Variants in AUTS2 observed in about 807,000 individuals in gnomAD.
AUTS2 encodes activator of transcription and developmental regulator AUTS2.
In AUTS2, 17 loss-of-function variants were observed where a neutral mutation model predicts 112.4. The ratio of observed to expected loss-of-function variants is 0.15; its 90% CI spans 0.10 to 0.23. AUTS2 has a LOEUF of 0.23. AUTS2 is among the 10% of genes least tolerant of loss of function. The pLI, the probability that AUTS2 is intolerant of heterozygous loss-of-function variation, is 1.00. For missense variants in AUTS2, 1,510 were observed against 1,701.6 expected, an observed-to-expected ratio of 0.89 and a Z score of 1.98; for synonymous variants, 751 against 702.7, an observed-to-expected ratio of 1.07 and a Z score of -1.09.
chr7:69,790,766 TTTA>T (rs1385911809), intron 1 of AUTS2, among the ~76,000 whole-genome samples: 1 of 152,246 alleles, frequency 6.6e-6, no homozygotes, highest in Non-Finnish European at 1.5e-5. Flanking sequence ...CAGATGATGC[TTTA>T]TTCTGTAAAG....
intron 4 of AUTS2, among the ~76,000 whole-genome samples, chr7:70,407,996 G>A (rs1281369108): frequency 2.0e-5 from 3 of 151,320 alleles, no homozygotes; most frequent in African/African-American, 7.3e-5. Context: ...AGAGCTTGCA[G>A]TGGGCCGAGA....
At chr7:70,609,388 T>C (rs1803950478) in intron 5 of AUTS2, among the ~76,000 whole-genome samples, 1 of 149,178 alleles carries the variant, frequency 6.7e-6, no homozygotes, top group Non-Finnish European at 1.5e-5. Context: ...GAGGACAGGA[T>C]TGTCTTTTTT....
chr7:69,924,935 A>T (rs906989439), intron 2 of AUTS2, among the ~76,000 whole-genome samples: 3 of 152,242 alleles, frequency 2.0e-5, no homozygotes, highest in African/African-American at 7.2e-5. Flanking sequence ...AAGGTTTTAA[A>T]TGAAATATTC....
Position 69,914,571 on chromosome 7 carries a change from G to T in AUTS2, c.522+15073G>T, listed in dbSNP as rs73703827. The stretch of plus-strand genomic sequence containing the variant: ...CTCCCATGGAATCTATCAGCAGTTT[G>T]TCTTCCCAGGGTTGTAGCCTGTCAG... On this transcript the variant is annotated intron_variant, in intron 2 of 18. Transcript: ENST00000342771. Among the ~76,000 whole-genome samples, 249 of 152,060 alleles carry T rather than the reference G, an allele frequency of 1.6e-3. 1 individual carries two copies. Among genetic ancestry groups the T allele is most frequent in the African/African-American group, 5.7e-3 (237 of 41,510 alleles).
chr7:69,850,216 T>C (rs1792404525), intron 1 of AUTS2, among the ~76,000 whole-genome samples: 1 of 151,228 alleles, frequency 6.6e-6, no homozygotes, highest in South Asian at 2.1e-4. Context: ...GGAGAATAGC[T>C]TGAACCCAGG....
chr7:70,324,127 G>A (rs886824362), intron 4 of AUTS2, among the ~76,000 whole-genome samples: 1 of 152,146 alleles, frequency 6.6e-6, no homozygotes, highest in Admixed American at 6.6e-5. Context: ...GCTAAGACCT[G>A]TCTGAAAGTG....
chr7:70,600,566 G>A (rs1166356677), intron 5 of AUTS2, among the ~76,000 whole-genome samples: 3 of 152,288 alleles, frequency 2.0e-5, no homozygotes, highest in Admixed American at 6.5e-5. Flanking sequence ...ACGGGCCACC[G>A]CGCCCGGCCC....
intron 5 of AUTS2, among the ~76,000 whole-genome samples, chr7:70,554,422 G>T (rs1412262071): frequency 7.1e-6 from 1 of 139,868 alleles, no homozygotes; most frequent in Admixed American, 7.3e-5. Context: ...TTGAAACGAG[G>T]TCATGCATGC....
At chr7:69,894,297 CCTT>C (rs1413301887) in intron 1 of AUTS2, among the ~76,000 whole-genome samples, 1 of 62,958 alleles carries the variant, frequency 1.6e-5, no homozygotes, top group African/African-American at 7.6e-5. Context: ...TCTTTCTTAT[CCTT>C]CTGCCCTCCT....
chr7:70,385,196 T>A (rs1793555336), intron 4 of AUTS2, among the ~76,000 whole-genome samples: 1 of 152,208 alleles, frequency 6.6e-6, no homozygotes, highest in Non-Finnish European at 1.5e-5. Flanking sequence ...TCCACTAAAC[T>A]GTTCTCCCTA....
chr7:70,166,727 CT>C (rs925129005), intron 4 of AUTS2, among the ~76,000 whole-genome samples: 1 of 151,996 alleles, frequency 6.6e-6, no homozygotes, highest in Non-Finnish European at 1.5e-5. Context: ...GAACAGATGA[CT>C]TTTTTTAAAG....
chr7:69,685,567 A>G (rs965069115), intron 1 of AUTS2, among the ~76,000 whole-genome samples: 1 of 152,246 alleles, frequency 6.6e-6, no homozygotes, highest in Non-Finnish European at 1.5e-5. Flanking sequence ...AATTGAAGTT[A>G]GTAGGGAAAC....
At chr7:69,946,325 T>G (rs1796807937) in intron 2 of AUTS2, among the ~76,000 whole-genome samples, 1 of 152,126 alleles carries the variant, frequency 6.6e-6, no homozygotes, top group Admixed American at 6.5e-5. Context: ...GAATATAAAT[T>G]GGGACAGCAT....
At chr7:70,513,307 T>G (rs1053557114) in intron 5 of AUTS2, among the ~76,000 whole-genome samples, 38 of 152,172 alleles carry the variant, frequency 2.5e-4, no homozygotes, top group African/African-American at 9.2e-4. Context: ...CTATTTCTGA[T>G]CAGACCCACA....
chr7:69,741,432 C>T (rs548333464), intron 1 of AUTS2, among the ~76,000 whole-genome samples: 5 of 152,254 alleles, frequency 3.3e-5, no homozygotes, highest in South Asian at 2.1e-4. Flanking sequence ...AGGACAGGTG[C>T]GGTGGCTCAC....
chr7:69,938,376 G>T (rs764841924), intron 2 of AUTS2, among the ~76,000 whole-genome samples: 3 of 152,168 alleles, frequency 2.0e-5, no homozygotes, highest in African/African-American at 7.2e-5. Context: ...ACTCTTGCGG[G>T]CTATATGGAT....
In AUTS2 at chr7:70,117,539, T is replaced by A. The variant is rs1159219868; in HGVS notation, c.523-593T>A. On this transcript the variant is annotated intron_variant, in intron 2 of 18. Transcript: ENST00000342771. ...AATTGCAGTGGAACAGAAGAAAAAA[T>A]TTGATGGAAAGACTGCTTTCTAATT... Among the ~76,000 whole-genome samples the A allele has an allele frequency of 2.0e-5, 3 of 152,098 alleles. No homozygotes were observed. In the East Asian group the frequency reaches 5.8e-4, roughly 29 times the overall value.
chr7:69,957,518 T>A (rs2064762414), intron 2 of AUTS2, among the ~76,000 whole-genome samples: 1 of 152,176 alleles, frequency 6.6e-6, no homozygotes, highest in African/African-American at 2.4e-5. Context: ...TCATTCCTTA[T>A]GTTTATTTGT....
chr7:70,039,287 A>G (rs934696260), intron 2 of AUTS2, among the ~76,000 whole-genome samples: 2 of 152,050 alleles, frequency 1.3e-5, no homozygotes, highest in African/African-American at 4.8e-5. Context: ...ACTGAAACAA[A>G]TTTTTACAAT....
Sources: allele counts gnomAD v4.1 joint callset (sites outside exome capture counted in the v4.1 genomes callset), GRCh38; gene constraint gnomAD v4.1.1; transcripts MANE v1.5; gene names NCBI Gene and HGNC (gene_info 2026-07-23, HGNC 2026-07-21).